HPSE2: variants seen among roughly 807,000 people sequenced by gnomAD.
The protein encoded by HPSE2 is inactive heparanase-2.
Under a neutral mutation model 60.5 loss-of-function variants are expected in HPSE2, and 38 were observed. The ratio of observed to expected loss-of-function variants is 0.63; its 90% confidence interval spans 0.48 to 0.82. The LOEUF (loss-of-function observed/expected upper bound fraction) is 0.82, where lower values mean the gene tolerates loss of function less well. Among genes scored for constraint, HPSE2 ranks in the 40% least tolerant of loss-of-function variants. The probability of loss-of-function intolerance (pLI) is 0.00; values close to 1 mark genes in which losing one functional copy is unlikely to be tolerated. For synonymous variants in HPSE2, 295 were observed against 293.2 expected, an observed-to-expected ratio of 1.01 and a Z score of -0.06; for missense variants, 713 against 740.4, an observed-to-expected ratio of 0.96 and a Z score of 0.43.
chr10:98,808,115 C>G (rs1381971028), intron 3 of HPSE2, among the ~76,000 whole-genome samples: 2 of 152,166 alleles, frequency 1.3e-5, no homozygotes, highest in African/African-American at 4.8e-5. Context: ...ATTTCTTCAG[C>G]CTGCATCTCT....
chr10:98,641,982 A>G lies in HPSE2; in HGVS notation c.1005-42T>C, dbSNP rs1946650842. 3 of 1,526,436 alleles carry G rather than the reference A, an allele frequency of 2.0e-6. No individual in the cohort carries two copies. In the South Asian group the frequency reaches 3.4e-5, roughly 17 times the overall value. The allele number at this position is 1,526,436 out of a possible 1,614,324, so 94.6% of individuals were successfully genotyped here. ...ATAAGAATCAGATAAAATCTCAAGC[A>G]AGGGATTATAAATACACTTCTCTAG... On this transcript the variant is annotated intron_variant, in intron 6 of 11. Transcript: ENST00000370552.
At chr10:99,246,451 T>C in the HPSE2 span, among the ~76,000 whole-genome samples, 1 of 152,180 alleles carries the variant, frequency 6.6e-6, no homozygotes, top group Non-Finnish European at 1.5e-5. Context: ...GATTATGACT[T>C]AAAATCAATT....
upstream of HPSE2, among the ~76,000 whole-genome samples, chr10:99,240,572 G>A (rs1156284470): frequency 5.3e-5 from 8 of 151,864 alleles, no homozygotes; most frequent in African/African-American, 1.2e-4. Context: ...CACCATGCCC[G>A]GCTAATTTTT....
At chr10:99,191,414 G>A (rs1020458644) in intron 2 of HPSE2, among the ~76,000 whole-genome samples, 3 of 152,110 alleles carry the variant, frequency 2.0e-5, no homozygotes, top group Non-Finnish European at 4.4e-5. Flanking sequence ...TCAGCACAGA[G>A]AGACACAGAC....
At chr10:99,243,648 T>G in the HPSE2 span, among the ~76,000 whole-genome samples, 63 of 152,268 alleles carry the variant, frequency 4.1e-4, no homozygotes, top group Non-Finnish European at 6.9e-4. Flanking sequence ...TGTATATTTA[T>G]CTCAATACAT....
chr10:99,095,422 T>A (rs766590444), intron 3 of HPSE2, among the ~76,000 whole-genome samples: 11 of 152,240 alleles, frequency 7.2e-5, no homozygotes, highest in African/African-American at 2.7e-4. Context: ...AATTCTGCTA[T>A]ACTTCAACCA....
At chr10:98,866,218 G>A (rs1952584174) in intron 3 of HPSE2, among the ~76,000 whole-genome samples, 1 of 152,056 alleles carries the variant, frequency 6.6e-6, no homozygotes, top group Non-Finnish European at 1.5e-5. Flanking sequence ...AATCTACAAT[G>A]TGTGAGACAA....
intron 3 of HPSE2, among the ~76,000 whole-genome samples, chr10:98,749,518 T>C (rs1425063408): frequency 6.6e-6 from 1 of 151,392 alleles, no homozygotes. Context: ...TATACATACA[T>C]ACAAGAAGAT....
intron 3 of HPSE2, among the ~76,000 whole-genome samples, chr10:99,132,149 GA>G (rs61075323): frequency 0.78 from 69,682 of 88,970 alleles, 27,486 homozygotes; most frequent in Non-Finnish European, 0.84. Flanking sequence ...AAGAAAGGAA[GA>G]AAGAAAGAAA....
At chr10:98,963,750 C>T (rs540606583) in intron 3 of HPSE2, among the ~76,000 whole-genome samples, 16 of 152,216 alleles carry the variant, frequency 1.1e-4, no homozygotes, top group Middle Eastern at 3.4e-3. Context: ...CAGAATGTTT[C>T]TCTAAGTGAA....
chr10:99,277,328 A>G, the HPSE2 span, among the ~76,000 whole-genome samples: 10 of 152,376 alleles, frequency 6.6e-5, no homozygotes, highest in Admixed American at 2.0e-4. Flanking sequence ...GAAAATCAGC[A>G]TTTTATTCTG....
chr10:99,235,196 T>C (rs1238948382), intron 1 of HPSE2, among the ~76,000 whole-genome samples: 2 of 152,180 alleles, frequency 1.3e-5, no homozygotes, highest in Non-Finnish European at 2.9e-5. Flanking sequence ...TCTGAACCTC[T>C]TGTTTCTTTT....
At chr10:98,616,501 C>T (rs760846409) in intron 8 of HPSE2, among the ~76,000 whole-genome samples, 2 of 152,072 alleles carry the variant, frequency 1.3e-5, no homozygotes, top group Non-Finnish European at 2.9e-5. Flanking sequence ...GCTCCAAACC[C>T]GTGACTTGAA....
At chr10:98,509,100 G>T (rs1163390606) in intron 9 of HPSE2, among the ~76,000 whole-genome samples, 1 of 152,130 alleles carries the variant, frequency 6.6e-6, no homozygotes, top group Non-Finnish European at 1.5e-5. Flanking sequence ...TGCATCAAAA[G>T]GTCAAGAGAT....
At chr10:98,831,276 TGAA>T (rs1368814009) in intron 3 of HPSE2, among the ~76,000 whole-genome samples, 1 of 152,144 alleles carries the variant, frequency 6.6e-6, no homozygotes, top group Non-Finnish European at 1.5e-5. Context: ...GGTGTAGTCC[TGAA>T]GAAGAATATG....
chr10:99,283,040 G>T, the HPSE2 span, among the ~76,000 whole-genome samples: 1 of 151,976 alleles, frequency 6.6e-6, no homozygotes, highest in African/African-American at 2.4e-5. Flanking sequence ...AAAAAAATTA[G>T]CTGGGCATGG....
chr10:99,044,227 C>G (rs573020409), intron 3 of HPSE2, among the ~76,000 whole-genome samples: 16 of 152,130 alleles, frequency 1.1e-4, no homozygotes, highest in Non-Finnish European at 2.1e-4. Context: ...AAAAGAAATT[C>G]CAAGTAAGAT....
chr10:98,570,982 T>C (rs146763076), intron 9 of HPSE2, among the ~76,000 whole-genome samples: 14 of 152,336 alleles, frequency 9.2e-5, no homozygotes, highest in African/African-American at 3.4e-4. Context: ...TGTTGTGGTC[T>C]CGCTGAGGGC....
intron 9 of HPSE2, among the ~76,000 whole-genome samples, chr10:98,539,765 C>T (rs913167570): frequency 7.2e-5 from 11 of 152,290 alleles, no homozygotes; most frequent in Middle Eastern, 3.4e-3. Flanking sequence ...TCTCACACCC[C>T]TCTGCCTCTT....
Sources: gnomAD v4.1 joint callset for allele counts (sites outside exome capture counted in the v4.1 genomes callset) on GRCh38, gnomAD v4.1.1 for gene constraint, MANE v1.5 for transcripts, NCBI Gene and HGNC (gene_info 2026-07-23, HGNC 2026-07-21) for gene names.